Variants in MARCHF3 observed in about 807,000 individuals in gnomAD.
MARCHF3 encodes E3 ubiquitin-protein ligase MARCHF3.
In MARCHF3, 13 loss-of-function variants were observed where a neutral mutation model predicts 24.2. The ratio of observed to expected loss-of-function variants is 0.54; its 90% CI spans 0.35 to 0.85. The LOEUF is 0.85. Ranked by LOEUF, MARCHF3 falls within the 40% of genes least tolerant of loss-of-function variation. The probability of loss-of-function intolerance (pLI) is 0.01; values close to 1 mark genes in which losing one functional copy is unlikely to be tolerated. For missense variants in MARCHF3, 276 were observed against 325.0 expected, an observed-to-expected ratio of 0.85 and a Z score of 1.16; for synonymous variants, 144 against 137.3, an observed-to-expected ratio of 1.05 and a Z score of -0.34.
At chr5:127,022,320 A>C (rs1752830072) in intron 1 of MARCHF3, among the ~76,000 whole-genome samples, 1 of 152,244 alleles carries the variant, frequency 6.6e-6, no homozygotes, top group Admixed American at 6.5e-5. Flanking sequence ...TAATGGTGAC[A>C]CTGATGGTAA....
rs566085173 is a variant in MARCHF3 at position 126,968,737 on chromosome 5, G to A, written c.-56-50510C>T. ...TTACAGGTGTACCCCAGCAAGCCCA[G>A]CTAATTTTTGTATTTTAAGTAGATA... On this transcript the variant is annotated intron_variant, in intron 1 of 4. Coordinates refer to ENST00000308660, the MANE Select transcript of MARCHF3 (RefSeq NM_178450.5). Among the ~76,000 whole-genome samples, 356 of 152,222 alleles carry A rather than the reference G, an allele frequency of 2.3e-3. 2 individuals carry two copies. Among genetic ancestry groups the A allele is most frequent in the Middle Eastern group, 0.01 (3 of 294 alleles).
At chr5:126,894,908 C>A (rs911973140) in intron 3 of MARCHF3, among the ~76,000 whole-genome samples, 8 of 152,042 alleles carry the variant, frequency 5.3e-5, no homozygotes, top group Non-Finnish European at 1.2e-4. Context: ...AGAGTGTTTT[C>A]CAACTTGGTT....
chr5:127,004,207 T>C (rs2126852740), intron 1 of MARCHF3, among the ~76,000 whole-genome samples: 1 of 152,308 alleles, frequency 6.6e-6, no homozygotes, highest in Middle Eastern at 3.4e-3. Flanking sequence ...GTTTTTATTA[T>C]CTATATATAG....
intron 1 of MARCHF3, among the ~76,000 whole-genome samples, chr5:127,024,404 G>A (rs1406589793): frequency 6.6e-6 from 1 of 152,186 alleles, no homozygotes; most frequent in African/African-American, 2.4e-5. Context: ...GCTACAAGAT[G>A]AAAAGTGTGG....
At chr5:126,959,793 G>GT (rs1750579016) in intron 1 of MARCHF3, among the ~76,000 whole-genome samples, 1 of 152,106 alleles carries the variant, frequency 6.6e-6, no homozygotes. Flanking sequence ...TCTTAAAGCC[G>GT]TAATTACTAT....
intron 3 of MARCHF3, among the ~76,000 whole-genome samples, chr5:126,900,431 A>G (rs563690686): frequency 3.5e-4 from 53 of 152,130 alleles, no homozygotes; most frequent in African/African-American, 1.2e-3. Context: ...CTTACAAAAG[A>G]GACTCCAGAG....
intron 1 of MARCHF3, among the ~76,000 whole-genome samples, chr5:126,931,671 C>G (rs1222595145): frequency 2.0e-5 from 3 of 151,844 alleles, no homozygotes; most frequent in African/African-American, 7.3e-5. Context: ...TCATCCTAGA[C>G]TTGACCACAG....
chr5:127,007,436 T>A (rs1014664533), intron 1 of MARCHF3, among the ~76,000 whole-genome samples: 8 of 152,076 alleles, frequency 5.3e-5, no homozygotes, highest in African/African-American at 1.9e-4. Context: ...TAAACATTGA[T>A]GAAAAATTAT....
intron 3 of MARCHF3, among the ~76,000 whole-genome samples, chr5:126,912,701 C>T (rs1170446086): frequency 1.3e-5 from 2 of 152,164 alleles, no homozygotes; most frequent in Non-Finnish European, 2.9e-5. Context: ...TAAAACTCTG[C>T]CCGCACCTGG....
At chr5:126,897,519 C>T (rs997014824) in intron 3 of MARCHF3, among the ~76,000 whole-genome samples, 3 of 151,864 alleles carry the variant, frequency 2.0e-5, no homozygotes, top group Non-Finnish European at 4.4e-5. Context: ...AAGAAAGCAT[C>T]CAAATTAAAT....
At chr5:126,878,124 G>T in intron 4 of MARCHF3, 61 bp downstream of exon 4, 1 of 1,528,672 alleles carries the variant, frequency 6.5e-7, no homozygotes, top group Non-Finnish European at 9.0e-7. Context: ...GGAAAGGCTT[G>T]TGCCAGCTGT....
At chr5:126,968,518 T>C (rs59643871) in intron 1 of MARCHF3, among the ~76,000 whole-genome samples, 7,851 of 152,294 alleles carry the variant, frequency 0.052, 373 homozygotes, top group South Asian at 0.14. Context: ...TGCTTATTGG[T>C]CATATGTATA....
rs116050112 is a variant in MARCHF3, at chr5:126,889,256, G to C, written c.394-10862C>G. On this transcript the variant is annotated intron_variant, in intron 3 of 4. Transcript: ENST00000308660. ...GAAGTACATGATCATGGGATACACT[G>C]TACCAGGACAGTGTACCAAATAAGA... is the stretch of plus-strand genomic sequence containing the variant. Among the ~76,000 whole-genome samples the C allele has an allele frequency of 1.1e-3, 161 of 152,072 alleles. 1 individual carries two copies. The highest frequency in any genetic ancestry group is 3.7e-3 in the African/African-American group (154 of 41,498).
chr5:126,973,938 C>A (rs1449922933), intron 1 of MARCHF3, among the ~76,000 whole-genome samples: 1 of 131,202 alleles, frequency 7.6e-6, no homozygotes, highest in African/African-American at 2.9e-5. Context: ...TCGCCCAGGC[C>A]GGACTGCGGA....
intron 1 of MARCHF3, among the ~76,000 whole-genome samples, chr5:126,936,136 C>T (rs556945482): frequency 6.6e-6 from 1 of 151,982 alleles, no homozygotes; most frequent in Non-Finnish European, 1.5e-5. Context: ...GGGTGATGAG[C>T]CTTCACACCT....
intron 1 of MARCHF3, among the ~76,000 whole-genome samples, chr5:126,929,073 G>T (rs1002279699): frequency 6.6e-6 from 1 of 152,186 alleles, no homozygotes; most frequent in African/African-American, 2.4e-5. Context: ...ATCATATTTG[G>T]ATGTTATTCA....
chr5:126,876,085 C>T (rs576108748), intron 4 of MARCHF3, among the ~76,000 whole-genome samples: 3 of 152,312 alleles, frequency 2.0e-5, no homozygotes, highest in South Asian at 2.1e-4. Flanking sequence ...ACCTTTTCTA[C>T]CCAAACCTTC....
chr5:126,911,186 G>T (rs1332032045), intron 3 of MARCHF3, among the ~76,000 whole-genome samples: 1 of 152,174 alleles, frequency 6.6e-6, no homozygotes, highest in African/African-American at 2.4e-5. Context: ...CCCGGGTCCT[G>T]TGGTCCTGTG....
chr5:126,954,763 C>T (rs1000653894), intron 1 of MARCHF3, among the ~76,000 whole-genome samples: 1 of 150,098 alleles, frequency 6.7e-6, no homozygotes, highest in Admixed American at 6.6e-5. Context: ...TACATTTTGT[C>T]ATTTGTACTT....
Sources: gnomAD v4.1 joint callset for allele counts (sites outside exome capture counted in the v4.1 genomes callset) on GRCh38, gnomAD v4.1.1 for gene constraint, MANE v1.5 for transcripts, NCBI Gene and HGNC (gene_info 2026-07-23, HGNC 2026-07-21) for gene names.